Variants in ABCC12 observed in about 807,000 individuals in gnomAD.
The protein encoded by ABCC12 is ATP binding cassette subfamily C member 12.
A neutral mutation model predicts 151.1 loss-of-function variants in ABCC12; 142 were observed. The observed-to-expected ratio is 0.94, with a 90% confidence interval of 0.82 to 1.08. The LOEUF (loss-of-function observed/expected upper bound fraction) is 1.08. Among genes scored for constraint, ABCC12 ranks in the 50% least tolerant of loss-of-function variants. The pLI, the probability that ABCC12 is intolerant of heterozygous loss-of-function variation, is 0.00. For missense variants in ABCC12, 1,638 were observed against 1,691.1 expected (o/e 0.97, Z 0.55); for synonymous variants, 645 against 646.4 (o/e 1.00, Z 0.03).
chr16:48,111,521 T>A lies in ABCC12; in HGVS notation c.2210-14A>T. 1 of 1,614,084 alleles carries A rather than the reference T, an allele frequency of 6.2e-7. No homozygotes were observed. Among genetic ancestry groups the A allele is most frequent in the Non-Finnish European group, 8.5e-7 (1 of 1,180,010 alleles). On this transcript the variant is annotated splice_polypyrimidine_tract_variant and intron_variant, in intron 17 of 30. Coordinates refer to ENST00000311303, the MANE Select transcript of ABCC12 (RefSeq NM_001393797.1). Reference sequence around the variant, plus strand: ...CTGGAGCCAAAACTAGGGTGAGAAATAAAGAGAGATCTGTGTCCATTCAAG... The same window carrying A: ...CTGGAGCCAAAACTAGGGTGAGAAAAAAAGAGAGATCTGTGTCCATTCAAG...
At chr16:48,133,558 T>A in intron 9 of ABCC12, 129 bp downstream of exon 9, 1 of 1,085,018 alleles carries the variant, frequency 9.2e-7, no homozygotes, top group Non-Finnish European at 1.3e-6. Flanking sequence ...GGAGTTGAAG[T>A]CACATCCTGT....
At chr16:48,107,535 G>A in intron 19 of ABCC12, 110 bp from the exon 20 acceptor site, 1 of 911,958 alleles carries the variant, frequency 1.1e-6, no homozygotes, top group Non-Finnish European at 1.7e-6. Flanking sequence ...GCAGGAAAAG[G>A]ACTCCCACGC....
intron 13 of ABCC12, 111 bp downstream of exon 13, chr16:48,121,605 G>T: frequency 7.4e-7 from 1 of 1,354,332 alleles, no homozygotes; most frequent in Non-Finnish European, 1.0e-6. Context: ...TGTTTAATCA[G>T]AATTCATTAA....
intron 9 of ABCC12, 143 bp downstream of exon 9, chr16:48,133,544 A>AT (rs967654201): frequency 5.2e-5 from 47 of 896,520 alleles, no homozygotes; most frequent in Non-Finnish European, 6.8e-5. Flanking sequence ...AAAAAAAAAA[A>AT]GTTGGAGTTG....
In ABCC12 at chr16:48,115,618, T is replaced by C; in HGVS notation, c.1786A>G (p.Ile596Val). 6.2e-7 allele frequency: 1 copy of C among 1,612,904 alleles called. No individual in the cohort carries two copies. Among genetic ancestry groups the C allele is most frequent in the African/African-American group, 1.3e-5 (1 of 75,032 alleles). ...GAGAGGTTGAGGCCCCGCTCCCCAA[T>C]CTGTGGACAGGGACAATGCTACTGC... Reference protein sequence around the residue: ...SNLPYGDLTEIGERGLNLSGG... With the variant: ...SNLPYGDLTEVGERGLNLSGG... The change falls in exon 15 of 31, where the codon ATT becomes GTT. Residue 596 changes from isoleucine (I) to valine (V), a missense_variant and splice_region_variant. Coordinates refer to ENST00000311303, the MANE Select transcript of ABCC12 (RefSeq NM_001393797.1).
At chr16:48,130,959 T>G (rs1047375641) in intron 9 of ABCC12, 64 bp from the exon 10 acceptor site, 36 of 1,141,792 alleles carry the variant, frequency 3.2e-5, no homozygotes, top group Non-Finnish European at 4.5e-5. Context: ...TAAACCGTTA[T>G]ACACATGGGG....
chr16:48,088,421 T>C, intron 26 of ABCC12, 124 bp downstream of exon 26: 4 of 1,131,268 alleles, frequency 3.5e-6, no homozygotes, highest in East Asian at 2.5e-5. Flanking sequence ...GTAAAGAGAT[T>C]TGAGGGAAAT....
chr16:48,126,404 C>A (rs1964240797), intron 11 of ABCC12, among the ~76,000 whole-genome samples: 1 of 152,140 alleles, frequency 6.6e-6, no homozygotes, highest in African/African-American at 2.4e-5. Context: ...GGGATAACGA[C>A]ATAACTGTGA....
intron 23 of ABCC12, among the ~76,000 whole-genome samples, chr16:48,100,116 C>T (rs969119228): frequency 2.0e-5 from 3 of 152,062 alleles, no homozygotes; most frequent in Non-Finnish European, 2.9e-5. Flanking sequence ...CCCACCACCA[C>T]ACCCAGCTAA....
intron 15 of ABCC12, among the ~76,000 whole-genome samples, chr16:48,112,178 CA>C: frequency 6.6e-6 from 1 of 152,146 alleles, no homozygotes. Flanking sequence ...GCCCCCAGCA[CA>C]GAACCATTCA....
At position 48,081,670 on chromosome 16, in the gene ABCC12, G is replaced by A. The variant is rs111768275; in HGVS notation, c.*2045C>T. Among the ~76,000 whole-genome samples, 319 of 152,310 alleles carry A rather than the reference G, an allele frequency of 2.1e-3. 5 individuals carry two copies. Among genetic ancestry groups the A allele is most frequent in the African/African-American group, 7.2e-3 (298 of 41,564 alleles). On this transcript the variant is annotated 3_prime_UTR_variant, in exon 31 of 31. Coordinates refer to ENST00000311303, the MANE Select transcript of ABCC12 (RefSeq NM_001393797.1). Reference sequence around the variant, plus strand: ...TTGTCACAGTCCTGGCACACTGCAAGGTCTCAGTAGACATCAGGATCAATG... The same window carrying A: ...TTGTCACAGTCCTGGCACACTGCAAAGTCTCAGTAGACATCAGGATCAATG...
intron 9 of ABCC12, among the ~76,000 whole-genome samples, chr16:48,132,180 G>A (rs1219294725): frequency 6.6e-6 from 1 of 152,152 alleles, no homozygotes. Context: ...TTTTGGTCTG[G>A]GATCACAGAG....
At chr16:48,117,804 C>T (rs754331233) in intron 13 of ABCC12, among the ~76,000 whole-genome samples, 6 of 152,252 alleles carry the variant, frequency 3.9e-5, no homozygotes, top group Non-Finnish European at 5.9e-5. Context: ...TCACCAGTGA[C>T]GACCTTGACA....
intron 15 of ABCC12, among the ~76,000 whole-genome samples, chr16:48,113,663 C>T (rs963949130): frequency 4.6e-5 from 7 of 152,194 alleles, no homozygotes; most frequent in Non-Finnish European, 1.0e-4. Flanking sequence ...ACAGCAGGAC[C>T]AAGATCTTGT....
At chr16:48,113,424 C>T (rs369726609) in intron 15 of ABCC12, among the ~76,000 whole-genome samples, 1 of 152,218 alleles carries the variant, frequency 6.6e-6, no homozygotes, top group Admixed American at 6.5e-5. Flanking sequence ...TCAGCAAGCC[C>T]CCAGTTCACT....
chr16:48,140,900 G>T lies in ABCC12; in HGVS notation c.444C>A (p.Ile148=), dbSNP rs371512764. The T allele has an allele frequency of 1.1e-5, 17 of 1,613,878 alleles. No homozygotes were observed. In the African/African-American group the frequency reaches 2.0e-4, roughly 19 times the overall value. The change falls in exon 6 of 31, where the codon ATC becomes ATA. Residue 148 remains isoleucine, a synonymous_variant. Coordinates refer to ENST00000311303, the MANE Select transcript of ABCC12 (RefSeq NM_001393797.1). ...CAGAGGTCCTCTCAGTCTGCTGGAGGATTTGGTGAATGAGAACTGTCTGTA... is the reference window on the plus strand; with the variant it reads ...CAGAGGTCCTCTCAGTCTGCTGGAGTATTTGGTGAATGAGAACTGTCTGTA... ...AIGPTVLIHQ[I]LQQTERTSGK...
chr16:48,108,379 G>T, intron 19 of ABCC12, 61 bp downstream of exon 19: 1 of 1,469,404 alleles, frequency 6.8e-7, no homozygotes, highest in South Asian at 1.2e-5. Context: ...GAACCCAACA[G>T]TTTAAGACAG....
rs1962559159 is a variant in ABCC12 at position 48,085,622 on chromosome 16, C to T, written c.3799G>A (p.Val1267Met). 2 of 1,614,034 alleles carry T rather than the reference C, an allele frequency of 1.2e-6. No individual in the cohort carries two copies. The highest frequency in any genetic ancestry group is 1.7e-5 in the Admixed American group (1 of 59,996). ...GAATTACGGAGAAGAGCTCGGGCCA[C>T]ACAAAGCAGCTGACGTTCCCCTACT... is the stretch of plus-strand genomic sequence containing the variant. ...FSVGERQLLC[V>M]ARALLRNSKI... The change falls in exon 29 of 31, where the codon GTG becomes ATG. Residue 1267 changes from valine to methionine, a missense_variant. Val to Met is a conservative substitution (Grantham distance 21). Transcript: ENST00000311303.
chr16:48,139,680 G>T (rs551133851), intron 6 of ABCC12, among the ~76,000 whole-genome samples: 8 of 152,306 alleles, frequency 5.3e-5, no homozygotes, highest in African/African-American at 1.9e-4. Flanking sequence ...GGGAAGAGAT[G>T]GGCCCAGAAA....
Sources: gnomAD v4.1 joint callset for allele counts (sites outside exome capture counted in the v4.1 genomes callset) on GRCh38, gnomAD v4.1.1 for gene constraint, MANE v1.5 for transcripts, NCBI Gene and HGNC (gene_info 2026-07-23, HGNC 2026-07-21) for gene names.